Variants in PVT1 observed in about 807,000 individuals in gnomAD.
PVT1 encodes CXCR4/PVT1 fusion.
chr8:127,929,565 G>C (rs1253620984), intron 3 of PVT1, among the ~76,000 whole-genome samples: 1 of 152,188 alleles, frequency 6.6e-6, no homozygotes, highest in Admixed American at 6.5e-5. Flanking sequence ...AGGAGATCGA[G>C]ACCATCCTGG....
intron 2 of PVT1, among the ~76,000 whole-genome samples, chr8:127,805,376 A>C (rs557692600): frequency 1.3e-5 from 2 of 152,232 alleles, no homozygotes; most frequent in South Asian, 4.1e-4. Flanking sequence ...TAAAAAAAAA[A>C]CAAATTCTCA....
At chr8:128,076,370 C>T (rs2130143389) in intron 5 of PVT1, among the ~76,000 whole-genome samples, 1 of 152,298 alleles carries the variant, frequency 6.6e-6, no homozygotes, top group East Asian at 1.9e-4. Context: ...AAGTTCCAAG[C>T]TCCAGCCCAG....
intron 5 of PVT1, among the ~76,000 whole-genome samples, chr8:128,093,527 A>C (rs944688722): frequency 1.4e-4 from 21 of 152,008 alleles, no homozygotes; most frequent in Non-Finnish European, 2.2e-4. Context: ...ATTGCCCTCC[A>C]GCCTGGGGGA....
At chr8:127,836,737 G>A (rs1292176611) in intron 2 of PVT1, among the ~76,000 whole-genome samples, 1 of 152,140 alleles carries the variant, frequency 6.6e-6, no homozygotes, top group African/African-American at 2.4e-5. Flanking sequence ...TTACAGAGGA[G>A]AGGACTGAGG....
At chr8:127,960,247 G>A (rs1816624219) in intron 3 of PVT1, among the ~76,000 whole-genome samples, 1 of 152,180 alleles carries the variant, frequency 6.6e-6, no homozygotes, top group African/African-American at 2.4e-5. Flanking sequence ...ACATGGGGAA[G>A]CTGAGCCTCT....
At chr8:127,996,198 G>A (rs948829311) in intron 4 of PVT1, among the ~76,000 whole-genome samples, 3 of 152,092 alleles carry the variant, frequency 2.0e-5, no homozygotes, top group Non-Finnish European at 4.4e-5. Flanking sequence ...TTGTAACAAA[G>A]TAAATCACAG....
intron 4 of PVT1, among the ~76,000 whole-genome samples, chr8:128,042,594 G>C (rs1813558341): frequency 6.6e-6 from 1 of 152,152 alleles, no homozygotes; most frequent in African/African-American, 2.4e-5. Flanking sequence ...GTGGAGCCTG[G>C]CAGGAGGAAG....
At chr8:127,917,576 C>T (rs1786937532) in intron 3 of PVT1, among the ~76,000 whole-genome samples, 1 of 152,222 alleles carries the variant, frequency 6.6e-6, no homozygotes, top group African/African-American at 2.4e-5. Context: ...CAATTGCTGG[C>T]TTTGCTGGAG....
At chr8:127,904,059 A>G (rs1815791304) in intron 3 of PVT1, among the ~76,000 whole-genome samples, 1 of 152,268 alleles carries the variant, frequency 6.6e-6, no homozygotes, top group Non-Finnish European at 1.5e-5. Context: ...ATCAATGAGC[A>G]TGAAATGTTT....
At chr8:127,917,644 G>A (rs1816003460) in intron 3 of PVT1, among the ~76,000 whole-genome samples, 1 of 152,176 alleles carries the variant, frequency 6.6e-6, no homozygotes, top group South Asian at 2.1e-4. Context: ...TTAGTTTGCG[G>A]TCTCAAACCT....
At chr8:128,025,735 C>T (rs767888160) in intron 4 of PVT1, among the ~76,000 whole-genome samples, 1 of 152,178 alleles carries the variant, frequency 6.6e-6, no homozygotes, top group African/African-American at 2.4e-5. Context: ...CAATAATTAA[C>T]GTTTTGAAAG....
In PVT1 at chr8:128,085,491, C is replaced by CT. The variant is rs11306153; in HGVS notation, n.1115-11017dup. 3.5e-3 allele frequency among the ~76,000 whole-genome samples: 528 copies of CT among 150,970 alleles called. 1 individual carries two copies. Among genetic ancestry groups the CT allele is most frequent in the African/African-American group, 9.2e-3 (377 of 41,034 alleles). Reference sequence around the variant, plus strand: ...TGTACTAGGCAATCATGAGAAAAACCTTTTTTTTTTAACACTCTGGGCATC... The same window carrying CT: ...TGTACTAGGCAATCATGAGAAAAACCTTTTTTTTTTTAACACTCTGGGCATC... On this transcript the variant is annotated intron_variant and non_coding_transcript_variant, in intron 5 of 10. Transcript: ENST00000651587.
intron 4 of PVT1, among the ~76,000 whole-genome samples, chr8:127,998,680 C>T (rs1382182824): frequency 6.7e-6 from 1 of 148,650 alleles, no homozygotes; most frequent in East Asian, 2.0e-4. Flanking sequence ...TCCTTCCCTC[C>T]CTTCCTCTTT....
chr8:128,021,443 G>A (rs1269397079), intron 4 of PVT1, among the ~76,000 whole-genome samples: 3 of 151,866 alleles, frequency 2.0e-5, no homozygotes, highest in Non-Finnish European at 2.9e-5. Flanking sequence ...ACAGGCGCCC[G>A]CCACCATGCC....
chr8:128,002,059 C>T (rs1426511), intron 4 of PVT1, among the ~76,000 whole-genome samples: 47,750 of 152,120 alleles, frequency 0.31, 7,890 homozygotes, highest in East Asian at 0.51. Context: ...TGACCAGGCA[C>T]GTCAACAATC....
intron 4 of PVT1, among the ~76,000 whole-genome samples, chr8:128,036,830 GGACAGTTGAGCAAGT>G (rs1813469118): frequency 6.6e-6 from 1 of 152,204 alleles, no homozygotes; most frequent in Non-Finnish European, 1.5e-5. Flanking sequence ...AGCTCCTGGA[GGACAGTTGAGCAAGT>G]GACTGTTAGA....
chr8:128,087,181 T>C (rs2648895), intron 5 of PVT1, among the ~76,000 whole-genome samples: 31,457 of 152,070 alleles, frequency 0.21, 4,154 homozygotes, highest in African/African-American at 0.37. Context: ...GAGGTGAAAC[T>C]TCTTGCCCAT....
intron 5 of PVT1, among the ~76,000 whole-genome samples, chr8:128,071,532 A>G (rs571185268): frequency 6.6e-6 from 1 of 151,620 alleles, no homozygotes; most frequent in Non-Finnish European, 1.5e-5. Context: ...AATTTTTAAA[A>G]AAAAAAAGCA....
intron 3 of PVT1, among the ~76,000 whole-genome samples, chr8:127,899,246 C>T (rs909816037): frequency 6.6e-6 from 1 of 152,218 alleles, no homozygotes; most frequent in African/African-American, 2.4e-5. Flanking sequence ...AGGGAGGACA[C>T]TTGGCCTCTC....
Sources: gnomAD v4.1 joint callset for allele counts (sites outside exome capture counted in the v4.1 genomes callset) on GRCh38, gnomAD v4.1.1 for gene constraint, MANE v1.5 for transcripts, NCBI Gene and HGNC (gene_info 2026-07-23, HGNC 2026-07-21) for gene names.